The following ZNF536 variants were observed in gnomAD, a reference collection of about 807,000 sequenced individuals.
ZNF536 encodes zinc finger protein 536.
A neutral mutation model predicts 84.5 loss-of-function variants in ZNF536; 13 were observed. The observed-to-expected ratio is 0.15, with a 90% CI of 0.10 to 0.24. The LOEUF (loss-of-function observed/expected upper bound fraction) is 0.24, where lower values mean the gene tolerates loss of function less well. Ranked by LOEUF, ZNF536 falls within the 10% of genes least tolerant of loss-of-function variation. The probability of loss-of-function intolerance (pLI) is 1.00; values close to 1 mark genes in which losing one functional copy is unlikely to be tolerated. For synonymous variants in ZNF536, 811 were observed against 742.5 expected (o/e 1.09, Z -1.50); for missense variants, 1,536 against 1,747.5 (o/e 0.88, Z 2.16).
At chr19:30,693,961 G>A (rs529437758) in intron 1 of ZNF536, among the ~76,000 whole-genome samples, 1 of 152,258 alleles carries the variant, frequency 6.6e-6, no homozygotes, top group Admixed American at 6.5e-5. Flanking sequence ...TGTTTTTGGT[G>A]AGCTGCTCTG....
intron 3 of ZNF536, among the ~76,000 whole-genome samples, chr19:30,541,520 C>T (rs2045332836): frequency 1.3e-5 from 2 of 152,060 alleles, no homozygotes; most frequent in Non-Finnish European, 2.9e-5. Context: ...CCTCTGTTCC[C>T]TATCCTTGCT....
At chr19:30,571,058 C>T (rs1292958602) in intron 1 of ZNF536, among the ~76,000 whole-genome samples, 2 of 152,216 alleles carry the variant, frequency 1.3e-5, no homozygotes, top group Non-Finnish European at 2.9e-5. Flanking sequence ...CACATCGACA[C>T]AGGCAGGCTT....
chr19:30,334,533 G>A (rs1005607592), intron 2 of ZNF536, among the ~76,000 whole-genome samples: 4 of 152,156 alleles, frequency 2.6e-5, no homozygotes, highest in South Asian at 2.1e-4. Flanking sequence ...TCCACCCATC[G>A]CTGGGAGCCC....
At chr19:30,306,360 C>T (rs978885583) in intron 2 of ZNF536, among the ~76,000 whole-genome samples, 3 of 152,156 alleles carry the variant, frequency 2.0e-5, no homozygotes, top group Non-Finnish European at 2.9e-5. Context: ...AATATCTGAG[C>T]CATCTCACCC....
chr19:30,538,881 G>T (rs1457227021), intron 3 of ZNF536, among the ~76,000 whole-genome samples: 1 of 152,114 alleles, frequency 6.6e-6, no homozygotes, highest in Non-Finnish European at 1.5e-5. Flanking sequence ...GATTGCATCA[G>T]TCAGGGTTCT....
At chr19:30,696,526 G>A (rs75260496) in intron 1 of ZNF536, among the ~76,000 whole-genome samples, 9,823 of 152,284 alleles carry the variant, frequency 0.065, 356 homozygotes, top group Middle Eastern at 0.11. Context: ...TAAGGTCCCC[G>A]ATCAATAGTT....
chr19:30,247,672 T>TA (rs1044672343), intron 1 of ZNF536, among the ~76,000 whole-genome samples: 12 of 151,634 alleles, frequency 7.9e-5, no homozygotes, highest in Non-Finnish European at 1.5e-4. Flanking sequence ...TACAGAAAAT[T>TA]AAAAAAAATT....
At chr19:30,386,889 G>T (rs1299669370) in intron 1 of ZNF536, among the ~76,000 whole-genome samples, 3 of 152,248 alleles carry the variant, frequency 2.0e-5, no homozygotes, top group Admixed American at 6.5e-5. Flanking sequence ...CAGTGGCAGT[G>T]CTTGTCTGCG....
chr19:30,598,011 A>C (rs2047528733), intron 1 of ZNF536, among the ~76,000 whole-genome samples: 1 of 152,124 alleles, frequency 6.6e-6, no homozygotes, highest in African/African-American at 2.4e-5. Context: ...TTGTTGTTGT[A>C]TATACATTGT....
At chr19:30,417,746 A>G (rs907914165) in intron 1 of ZNF536, among the ~76,000 whole-genome samples, 9 of 152,132 alleles carry the variant, frequency 5.9e-5, no homozygotes, top group African/African-American at 2.2e-4. Context: ...TCACAAGGAC[A>G]TGTTTTGGGG....
At chr19:30,651,943 T>A (rs1600153420) in intron 1 of ZNF536, among the ~76,000 whole-genome samples, 1 of 152,258 alleles carries the variant, frequency 6.6e-6, no homozygotes, top group Non-Finnish European at 1.5e-5. Context: ...TGCTAAGAGC[T>A]GGTTACAAGT....
At chr19:30,367,180 C>T (rs1311142630) in intron 3 of ZNF536, among the ~76,000 whole-genome samples, 1 of 152,208 alleles carries the variant, frequency 6.6e-6, no homozygotes, top group Non-Finnish European at 1.5e-5. Context: ...GACCCTCCGC[C>T]ACATCCCTTC....
chr19:30,710,527 C>A (rs1444874238), intron 1 of ZNF536, among the ~76,000 whole-genome samples: 1 of 152,140 alleles, frequency 6.6e-6, no homozygotes, highest in Non-Finnish European at 1.5e-5. Flanking sequence ...AGATGAGGAA[C>A]GGGACTTGAT....
intron 1 of ZNF536, among the ~76,000 whole-genome samples, chr19:30,702,223 C>T (rs1429917384): frequency 6.6e-6 from 1 of 152,206 alleles, no homozygotes; most frequent in African/African-American, 2.4e-5. Flanking sequence ...TCCCCACTTT[C>T]GTTATAAACA....
At chr19:30,700,331 T>C (rs1345834257) in intron 1 of ZNF536, among the ~76,000 whole-genome samples, 3 of 142,272 alleles carry the variant, frequency 2.1e-5, no homozygotes, top group Non-Finnish European at 4.6e-5. Flanking sequence ...TATCCCTCCT[T>C]CCTCCCTCCC....
intron 2 of ZNF536, among the ~76,000 whole-genome samples, chr19:30,308,687 G>C (rs546183610): frequency 6.6e-6 from 1 of 152,120 alleles, no homozygotes. Context: ...AAGGCTCCAA[G>C]TTCTAAGGGT....
At chr19:30,303,506 C>CTT (rs34351280) in intron 2 of ZNF536, among the ~76,000 whole-genome samples, 3 of 145,500 alleles carry the variant, frequency 2.1e-5, no homozygotes, top group Admixed American at 6.8e-5. Context: ...CTTTTTGACA[C>CTT]TTTTTTTTTT....
In ZNF536 at chr19:30,506,540, G is replaced by A. The variant is rs150773384; in HGVS notation, c.2171-28307G>A. ...TCTAGGGCCCCCTTTGTGCTGAGGC[G>A]AGGGGAGGTTCTGCCCTGGGGAAAG... On this transcript the variant is annotated intron_variant, in intron 2 of 4. Coordinates refer to ENST00000355537, the MANE Select transcript of ZNF536 (RefSeq NM_014717.3). Among the ~76,000 whole-genome samples, 6 of 152,284 alleles carry A rather than the reference G, an allele frequency of 3.9e-5. No homozygotes were observed. In the East Asian group the frequency reaches 5.8e-4, roughly 15 times the overall value.
intron 1 of ZNF536, among the ~76,000 whole-genome samples, chr19:30,423,417 G>C (rs1328177356): frequency 6.6e-6 from 1 of 152,206 alleles, no homozygotes; most frequent in African/African-American, 2.4e-5. Context: ...AGTAATAATA[G>C]AAGGAGACAT....
Sources: allele counts gnomAD v4.1 joint callset (sites outside exome capture counted in the v4.1 genomes callset), GRCh38; gene constraint gnomAD v4.1.1; transcripts MANE v1.5; gene names NCBI Gene and HGNC (gene_info 2026-07-23, HGNC 2026-07-21).